Variants in EPB41L3 observed in about 807,000 individuals in gnomAD.
EPB41L3 encodes erythrocyte membrane protein band 4.1 like 3, also known as band 4.1-like protein 3.
EPB41L3 carries 57 observed loss-of-function variants against 127.1 expected under a neutral mutation model. That is an observed-to-expected ratio of 0.45 (90% confidence interval 0.36 to 0.56). The LOEUF (loss-of-function observed/expected upper bound fraction) is 0.56, where lower values mean the gene tolerates loss of function less well. Ranked by LOEUF, EPB41L3 falls within the 20% of genes least tolerant of loss-of-function variation. EPB41L3 has a pLI of 0.00. For missense variants in EPB41L3, 1,273 were observed against 1,372.2 expected, an observed-to-expected ratio of 0.93 and a Z score of 1.14; for synonymous variants, 572 against 549.5, an observed-to-expected ratio of 1.04 and a Z score of -0.57.
intron 1 of EPB41L3, among the ~76,000 whole-genome samples, chr18:5,530,118 A>G (rs2093363958): frequency 6.6e-6 from 1 of 152,066 alleles, no homozygotes; most frequent in Non-Finnish European, 1.5e-5. Flanking sequence ...ATCATCCTCA[A>G]TTCTTCCCTG....
intron 3 of EPB41L3, among the ~76,000 whole-genome samples, chr18:5,563,692 A>G (rs1422996659): frequency 6.6e-6 from 1 of 152,160 alleles, no homozygotes; most frequent in Non-Finnish European, 1.5e-5. Flanking sequence ...AACTGCTGGT[A>G]ATGGCACCCA....
intron 16 of EPB41L3, chr18:5,399,893 G>A (rs888239217): frequency 3.3e-5 from 5 of 152,138 alleles, no homozygotes; most frequent in African/African-American, 1.2e-4. Context: ...ATCCATAATA[G>A]CACTTATTAT....
At chr18:5,536,795 C>T (rs2093587252) in intron 1 of EPB41L3, among the ~76,000 whole-genome samples, 1 of 152,262 alleles carries the variant, frequency 6.6e-6, no homozygotes, top group South Asian at 2.1e-4. Context: ...CGTGCCACTG[C>T]ACTCCAGCCT....
At chr18:5,572,508 T>A (rs1014902112) in intron 3 of EPB41L3, among the ~76,000 whole-genome samples, 4 of 152,202 alleles carry the variant, frequency 2.6e-5, no homozygotes, top group African/African-American at 9.6e-5. Flanking sequence ...AACAGTCACA[T>A]GGAAGAGAGA....
chr18:5,464,337 C>G (rs1382748737), intron 3 of EPB41L3, among the ~76,000 whole-genome samples: 1 of 152,114 alleles, frequency 6.6e-6, no homozygotes, highest in South Asian at 2.1e-4. Context: ...CAATCTGAAC[C>G]ACCACTGAGG....
In EPB41L3 at chr18:5,561,046, C is replaced by T. The variant is rs963553123; in HGVS notation, c.-306+51294G>A. ...AGGCTGGAGTGCAGTGGCGCGATCG[C>T]GGCTCACTGCAAGCTCCGCCTCCCA... On this transcript the variant is annotated intron_variant, in intron 3 of 21. Coordinates refer to the EPB41L3 transcript ENST00000545076. Among the ~76,000 whole-genome samples, 710 of 144,930 alleles carry T rather than the reference C, an allele frequency of 4.9e-3. 55 individuals carry two copies. The highest frequency in any genetic ancestry group is 0.017 in the African/African-American group (645 of 38,436).
intron 22 of EPB41L3, 121 bp from the exon 23 acceptor site, chr18:5,393,599 A>C: frequency 1.6e-6 from 1 of 626,474 alleles, no homozygotes; most frequent in South Asian, 1.9e-5. Flanking sequence ...ATGCCATGAC[A>C]TTCCAGCGTT....
chr18:5,394,092 T>A (rs946684198), intron 22 of EPB41L3: 1 of 152,634 alleles, frequency 6.6e-6, no homozygotes, highest in African/African-American at 2.4e-5. Flanking sequence ...GGGAGAAAAA[T>A]CATCCCAAAG....
chr18:5,437,504 T>C (rs929357358), intron 6 of EPB41L3, among the ~76,000 whole-genome samples: 1 of 152,222 alleles, frequency 6.6e-6, no homozygotes, highest in Non-Finnish European at 1.5e-5. Flanking sequence ...TGAGATCCCC[T>C]TTCACACTCA....
At chr18:5,623,712 A>G (rs891540078) in intron 1 of EPB41L3, among the ~76,000 whole-genome samples, 3 of 150,674 alleles carry the variant, frequency 2.0e-5, no homozygotes, top group African/African-American at 7.3e-5. Context: ...CAGTGGTGCA[A>G]TCTTGGCTCA....
At chr18:5,596,763 A>G (rs1256529004) in intron 3 of EPB41L3, among the ~76,000 whole-genome samples, 2 of 152,234 alleles carry the variant, frequency 1.3e-5, no homozygotes, top group South Asian at 4.1e-4. Flanking sequence ...AAATAAAAAC[A>G]TTACATCATC....
intron 1 of EPB41L3, chr18:5,521,565 T>C (rs182071905): frequency 6.6e-6 from 1 of 152,334 alleles, no homozygotes; most frequent in Non-Finnish European, 1.5e-5. Flanking sequence ...AGTATTTGTA[T>C]TGACAAAATG....
chr18:5,397,183 C>T lies in EPB41L3; in HGVS notation c.2716G>A (p.Gly906Arg), dbSNP rs1598419441. 5 of 1,614,206 alleles carry T rather than the reference C, an allele frequency of 3.1e-6. No homozygotes were observed. The highest frequency in any genetic ancestry group is 4.2e-6 in the Non-Finnish European group (5 of 1,180,040). Residue 906 changes from glycine (G) to arginine (R), a missense_variant, in exon 18 of 23, where the codon GGG (glycine) becomes AGG (arginine). Gly to Arg is a moderately radical substitution (Grantham distance 125). Around this residue, in one of 3 missense-constraint regions of EPB41L3, gnomAD observed 765 missense variants for 782.9 expected, o/e 0.98. Coordinates refer to ENST00000341928, the MANE Select transcript of EPB41L3 (RefSeq NM_012307.5). The surrounding 1 kb of genome is among the most constrained non-coding windows in gnomAD (Gnocchi z 4.1). ...ALTEGAKEEGGEEVAKAVLEQ... is the reference protein window; with the variant it reads ...ALTEGAKEEGREEVAKAVLEQ... Reference sequence around the variant, plus strand: ...AGGACAGCTTTAGCGACCTCCTCCCCTCCTTCCTCTTTAGCCCCCTCCGTC... The same window carrying T: ...AGGACAGCTTTAGCGACCTCCTCCCTTCCTTCCTCTTTAGCCCCCTCCGTC...
In EPB41L3 at chr18:5,447,448, C is replaced by CT. The variant is rs10694622; in HGVS notation, c.382-2205dup. Among the ~76,000 whole-genome samples the CT allele has an allele frequency of 7.9e-3, 901 of 114,088 alleles. 19 individuals carry two copies. Among genetic ancestry groups the CT allele is most frequent in the Middle Eastern group, 0.02 (4 of 202 alleles). The allele number at this position is 114,088 out of a possible 152,430, so 74.8% of individuals were successfully genotyped here. On this transcript the variant is annotated intron_variant, in intron 3 of 22. Coordinates refer to ENST00000341928, the MANE Select transcript of EPB41L3 (RefSeq NM_012307.5). ...CTACCTAATTGCTTTAGCTAGACTA[C>CT]TTTTTTTTTTTTTTTTTTTTTTTTA... is the stretch of plus-strand genomic sequence containing the variant.
intron 1 of EPB41L3, among the ~76,000 whole-genome samples, chr18:5,490,412 A>G (rs2090444682): frequency 6.6e-6 from 1 of 152,214 alleles, no homozygotes; most frequent in African/African-American, 2.4e-5. Flanking sequence ...TTCACAATAT[A>G]TATAAAAATA....
chr18:5,593,298 C>T lies in EPB41L3; in HGVS notation c.-306+19042G>A, dbSNP rs576409143. On this transcript the variant is annotated intron_variant, in intron 3 of 21. Coordinates refer to the EPB41L3 transcript ENST00000545076. Reference sequence around the variant, plus strand: ...TGTTCCATTTTCCCTAAGCAACAGCCGGTTTGAGAAATAAAGGGAGAGAGT... The same window carrying T: ...TGTTCCATTTTCCCTAAGCAACAGCTGGTTTGAGAAATAAAGGGAGAGAGT... Among the ~76,000 whole-genome samples, 289 of 151,790 alleles carry T rather than the reference C, an allele frequency of 1.9e-3. 1 individual carries two copies. The highest frequency in any genetic ancestry group is 6.1e-3 in the African/African-American group (254 of 41,364).
At chr18:5,529,926 ATATG>A (rs147818372) in intron 1 of EPB41L3, among the ~76,000 whole-genome samples, 1,249 of 91,596 alleles carry the variant, frequency 0.014, 16 homozygotes, top group African/African-American at 0.049. Context: ...ATCAACTCAT[ATATG>A]TGTGTGTGTG....
intron 16 of EPB41L3, among the ~76,000 whole-genome samples, chr18:5,403,396 A>T (rs562242137): frequency 6.6e-6 from 1 of 152,170 alleles, no homozygotes; most frequent in Non-Finnish European, 1.5e-5. Flanking sequence ...ACATAACATC[A>T]TTATTAGCTT....
At chr18:5,413,086 G>C (rs1365289340) in intron 13 of EPB41L3, among the ~76,000 whole-genome samples, 5 of 152,094 alleles carry the variant, frequency 3.3e-5, no homozygotes, top group African/African-American at 1.2e-4. Context: ...TATAATGTAT[G>C]ATGACTACAT....
Sources: allele counts gnomAD v4.1 joint callset (sites outside exome capture counted in the v4.1 genomes callset), GRCh38; gene constraint gnomAD v4.1.1; regional missense constraint gnomAD v4.1.1; non-coding constraint Gnocchi (gnomAD v3.1); transcripts MANE v1.5; gene names NCBI Gene and HGNC (gene_info 2026-07-23, HGNC 2026-07-21).